IL16: variants seen among roughly 807,000 people sequenced by gnomAD.
The protein encoded by IL16 is interleukin 16.
A neutral mutation model predicts 110.1 loss-of-function variants in IL16; 67 were observed. That is an observed-to-expected ratio of 0.61 (90% CI 0.50 to 0.75). The LOEUF (loss-of-function observed/expected upper bound fraction) is 0.75, where lower values mean the gene tolerates loss of function less well. IL16 is among the 30% of genes least tolerant of loss of function. IL16 has a pLI of 0.00. For synonymous variants in IL16, 689 were observed against 662.9 expected (o/e 1.04, Z -0.61); for missense variants, 1,545 against 1,655.0 (o/e 0.93, Z 1.15).
chr15:81,243,448 G>A (rs11634673), intron 2 of IL16, among the ~76,000 whole-genome samples: 22,800 of 151,360 alleles, frequency 0.15, 2,000 homozygotes, highest in Middle Eastern at 0.21. Flanking sequence ...GTCTCCCAAA[G>A]TGCTGTTGTT....
rs776904714 is a variant in IL16 at position 81,306,436 on chromosome 15, C to G, written c.3696C>G (p.Val1232=). ...TTTTCTCAGCAGCAGAGGCCACAGT[C>G]TGCACGGTGACACTGGAGAAGATGT... ...VSVESTAEAT[V]CTVTLEKMSA... The change falls in exon 18 of 19, where the codon GTC becomes GTG. Residue 1232 remains valine, a synonymous_variant. Coordinates refer to ENST00000683961, the MANE Select transcript of IL16 (RefSeq NM_172217.5). The G allele has an allele frequency of 1.2e-6, 2 of 1,614,104 alleles. No individual in the cohort carries two copies. Among genetic ancestry groups the G allele is most frequent in the African/African-American group, 1.3e-5 (1 of 75,058 alleles).
chr15:81,268,114 G>C (rs1490941622), intron 4 of IL16, among the ~76,000 whole-genome samples: 1 of 152,194 alleles, frequency 6.6e-6, no homozygotes, highest in East Asian at 1.9e-4. Context: ...AGAGAAAGTG[G>C]GATCCACAGT....
intron 2 of IL16, among the ~76,000 whole-genome samples, chr15:81,226,673 C>T (rs1896799225): frequency 6.6e-6 from 1 of 152,196 alleles, no homozygotes; most frequent in Non-Finnish European, 1.5e-5. Context: ...GACTCCACAG[C>T]ATCCTTAAGA....
chr15:81,225,628 C>T lies in IL16; in HGVS notation c.229C>T (p.Leu77=). 1 of 1,614,060 alleles carries T rather than the reference C, an allele frequency of 6.2e-7. No individual in the cohort carries two copies. Among genetic ancestry groups the T allele is most frequent in the Non-Finnish European group, 8.5e-7 (1 of 1,179,970 alleles). Residue 77 remains leucine, a synonymous_variant, in exon 2 of 19, where the codon CTA becomes TTA. Coordinates refer to ENST00000683961, the MANE Select transcript of IL16 (RefSeq NM_172217.5). ...GGCTGGGCCCAGCAGTGTTCCTGAT[C>T]TAGCACTGGCCTCGGAGGCTGCTCA... ...SEAGPSSVPD[L]ALASEAAQLQ...
intron 1 of IL16, among the ~76,000 whole-genome samples, chr15:81,206,686 G>A (rs75340168): frequency 1.3e-5 from 2 of 151,986 alleles, no homozygotes; most frequent in African/African-American, 2.4e-5. Flanking sequence ...CACTAAATCT[G>A]GGAAATTTAA....
intron 13 of IL16, among the ~76,000 whole-genome samples, chr15:81,299,117 G>A (rs1053054937): frequency 6.6e-6 from 1 of 152,082 alleles, no homozygotes; most frequent in Non-Finnish European, 1.5e-5. Flanking sequence ...GCCAGAGGTC[G>A]GCCCAGATAT....
rs1900972637 is a variant in IL16, at chr15:81,313,415, A to C, written c.*4617A>C. 1 of 1,529,098 alleles carries C rather than the reference A, an allele frequency of 6.5e-7. No homozygotes were observed. The highest frequency in any genetic ancestry group is 1.3e-5 in the South Asian group (1 of 77,778). 94.7% of individuals were successfully genotyped at this position (1,529,098 alleles called of 1,614,324 possible). On this transcript the variant is annotated 3_prime_UTR_variant, in exon 19 of 19. Transcript: ENST00000683961. The stretch of plus-strand genomic sequence containing the variant: ...TCTTGGTGGGTTCCCTGTGAAGGCA[A>C]CAGCAGAGCTGTGTTATGATCTGCA...
chr15:81,272,970 G>T, intron 5 of IL16, 120 bp from the exon 6 acceptor site: 1 of 669,038 alleles, frequency 1.5e-6, no homozygotes, highest in Non-Finnish European at 2.7e-6. Flanking sequence ...TGAGACCAAA[G>T]GCACCTTCTC....
At chr15:81,183,872 A>C (rs1368383461) in intron 1 of IL16, among the ~76,000 whole-genome samples, 2 of 152,228 alleles carry the variant, frequency 1.3e-5, no homozygotes, top group Non-Finnish European at 2.9e-5. Flanking sequence ...AACGGTGGTC[A>C]TAAATTCTTA....
At chr15:81,302,174 G>A (rs1406258545) in intron 15 of IL16, 1 of 152,348 alleles carries the variant, frequency 6.6e-6, no homozygotes, top group Non-Finnish European at 1.5e-5. Context: ...TCCAGGCTAG[G>A]ATGAGAGGAT....
intron 2 of IL16, among the ~76,000 whole-genome samples, chr15:81,226,659 T>C (rs1333366812): frequency 6.6e-6 from 1 of 152,178 alleles, no homozygotes; most frequent in Non-Finnish European, 1.5e-5. Flanking sequence ...TTAAGGGCCT[T>C]AAGGACTCCA....
chr15:81,234,281 T>C, intron 2 of IL16, among the ~76,000 whole-genome samples: 1 of 152,300 alleles, frequency 6.6e-6, no homozygotes, highest in East Asian at 1.9e-4. Flanking sequence ...TTTGGATCTA[T>C]GTGTACTCTC....
At chr15:81,207,433 T>A (rs1896071092) in intron 1 of IL16, among the ~76,000 whole-genome samples, 1 of 152,092 alleles carries the variant, frequency 6.6e-6, no homozygotes, top group South Asian at 2.1e-4. Context: ...AGGGGATACA[T>A]ATGCAGATTT....
intron 9 of IL16, among the ~76,000 whole-genome samples, chr15:81,283,236 G>C (rs534744954): frequency 1.4e-4 from 22 of 152,316 alleles, no homozygotes; most frequent in African/African-American, 5.3e-4. Context: ...CCAGGGCTGG[G>C]CCGGGAGGCA....
chr15:81,255,269 C>T (rs760250942), intron 2 of IL16, among the ~76,000 whole-genome samples: 3 of 152,144 alleles, frequency 2.0e-5, no homozygotes, highest in South Asian at 2.1e-4. Flanking sequence ...CAACTTGGGT[C>T]GAGATAGAAC....
intron 4 of IL16, among the ~76,000 whole-genome samples, chr15:81,267,023 C>G (rs1255078242): frequency 6.6e-6 from 1 of 152,214 alleles, no homozygotes; most frequent in Non-Finnish European, 1.5e-5. Context: ...CCACCCTGAG[C>G]TGAGAACTTT....
intron 9 of IL16, among the ~76,000 whole-genome samples, chr15:81,283,989 C>G (rs1023481643): frequency 1.7e-5 from 2 of 118,692 alleles, no homozygotes; most frequent in African/African-American, 6.8e-5. Flanking sequence ...GGCAACAGAG[C>G]AAGACCCTGT....
Position 81,313,061 on chromosome 15 carries a change from G to T in IL16, c.*4263G>T. 1.9e-6 allele frequency: 1 copy of T among 519,144 alleles called. No homozygotes were observed. Among genetic ancestry groups the T allele is most frequent in the Non-Finnish European group, 3.1e-6 (1 of 321,674 alleles). 32.2% of individuals were successfully genotyped at this position (519,144 alleles called of 1,614,324 possible). A position where few individuals can be genotyped will look rare whatever the true frequency, so the allele number is the denominator to read the frequency against. Reference sequence around the variant, plus strand: ...GGAACACATGAATGGCTCATCACACGCCAACCCTGAGTGGGGCAGGAGGCA... The same window carrying T: ...GGAACACATGAATGGCTCATCACACTCCAACCCTGAGTGGGGCAGGAGGCA... On this transcript the variant is annotated 3_prime_UTR_variant, in exon 19 of 19. Coordinates refer to ENST00000683961, the MANE Select transcript of IL16 (RefSeq NM_172217.5).
chr15:81,225,798 A>T (rs1896770810), intron 2 of IL16, 87 bp downstream of exon 2: 1 of 1,202,766 alleles, frequency 8.3e-7, no homozygotes, highest in Non-Finnish European at 1.1e-6. Flanking sequence ...TTATTCAAAA[A>T]TCATGAAGCT....
Sources: allele counts gnomAD v4.1 joint callset (sites outside exome capture counted in the v4.1 genomes callset), GRCh38; gene constraint gnomAD v4.1.1; transcripts MANE v1.5; gene names NCBI Gene and HGNC (gene_info 2026-07-23, HGNC 2026-07-21).